The following DRC11 variants were observed in gnomAD, a reference collection of about 807,000 sequenced individuals.
DRC11 encodes the protein dynein regulatory complex subunit 11.
the DRC11 span, among the ~76,000 whole-genome samples, chr2:236,353,937 A>G: frequency 6.6e-6 from 1 of 152,218 alleles, no homozygotes; most frequent in African/African-American, 2.4e-5. The surrounding 1 kb of genome is among the most constrained non-coding windows in gnomAD (Gnocchi z 5.0). Context: ...TTTAAAAATT[A>G]CATTTTAAGT....
At chr2:236,493,389 T>C in the DRC11 span, among the ~76,000 whole-genome samples, 1 of 152,226 alleles carries the variant, frequency 6.6e-6, no homozygotes, top group Non-Finnish European at 1.5e-5. Context: ...TTTTAGAAAG[T>C]GTAGTAACTT....
chr2:236,454,230 A>G, the DRC11 span, among the ~76,000 whole-genome samples: 1 of 152,138 alleles, frequency 6.6e-6, no homozygotes, highest in Admixed American at 6.5e-5. This position sits in a 1 kb window ranked among gnomAD's most constrained non-coding sequence, Gnocchi z 5.3. Flanking sequence ...TTTCATCATG[A>G]CTTGGTGCCC....
the DRC11 span, among the ~76,000 whole-genome samples, chr2:236,365,279 G>A: frequency 6.6e-6 from 1 of 152,072 alleles, no homozygotes; most frequent in Non-Finnish European, 1.5e-5. This position sits in a 1 kb window ranked among gnomAD's most constrained non-coding sequence, Gnocchi z 7.4. Flanking sequence ...AGAAGGTCCA[G>A]GAGAGCCACA....
At chr2:236,399,397 G>C in the DRC11 span, 3 of 1,607,794 alleles carry the variant, frequency 1.9e-6, no homozygotes, top group Admixed American at 5.0e-5. This position sits in a 1 kb window ranked among gnomAD's most constrained non-coding sequence, Gnocchi z 7.0. Flanking sequence ...GACCATGCAC[G>C]TTCTCCTAAA....
chr2:236,399,585 G>T, the DRC11 span: 1 of 969,754 alleles, frequency 1.0e-6, no homozygotes, highest in Non-Finnish European at 1.6e-6. This position sits in a 1 kb window ranked among gnomAD's most constrained non-coding sequence, Gnocchi z 7.0. Context: ...ATGCCGCGCA[G>T]GCCCAGTCCT....
At chr2:236,476,693 A>T in the DRC11 span, among the ~76,000 whole-genome samples, 1 of 152,144 alleles carries the variant, frequency 6.6e-6, no homozygotes, top group Non-Finnish European at 1.5e-5. The surrounding 1 kb of genome is among the most constrained non-coding windows in gnomAD (Gnocchi z 4.7). Context: ...CCCTGGGATG[A>T]ATCCCACTAG....
the DRC11 span, among the ~76,000 whole-genome samples, chr2:236,405,906 A>G: frequency 6.6e-6 from 1 of 152,228 alleles, no homozygotes; most frequent in African/African-American, 2.4e-5. This position sits in a 1 kb window ranked among gnomAD's most constrained non-coding sequence, Gnocchi z 4.6. Flanking sequence ...AATGGTGCAC[A>G]ATTCAAAACT....
chr2:236,486,390 A>T, the DRC11 span, among the ~76,000 whole-genome samples: 4 of 152,138 alleles, frequency 2.6e-5, no homozygotes, highest in African/African-American at 4.8e-5. This position sits in a 1 kb window ranked among gnomAD's most constrained non-coding sequence, Gnocchi z 5.7. Context: ...TTAAGCTACT[A>T]AGTTTGTGGT....
chr2:236,405,288 C>T, the DRC11 span, among the ~76,000 whole-genome samples: 21 of 151,940 alleles, frequency 1.4e-4, no homozygotes, highest in Admixed American at 1.2e-3. The surrounding 1 kb of genome is among the most constrained non-coding windows in gnomAD (Gnocchi z 4.6). Flanking sequence ...AGGAGAAGTG[C>T]GTTCTCACCT....
the DRC11 span, among the ~76,000 whole-genome samples, chr2:236,489,425 C>T: frequency 1.3e-5 from 2 of 149,776 alleles, no homozygotes; most frequent in African/African-American, 5.0e-5. Flanking sequence ...CATGCTGGGG[C>T]CTGTGTGGGC....
the DRC11 span, among the ~76,000 whole-genome samples, chr2:236,365,922 G>A: frequency 2.6e-5 from 4 of 152,158 alleles, no homozygotes; most frequent in Non-Finnish European, 5.9e-5. The surrounding 1 kb of genome is among the most constrained non-coding windows in gnomAD (Gnocchi z 7.4). Context: ...TCAACTTTCC[G>A]AGAATTAAGA....
the DRC11 span, among the ~76,000 whole-genome samples, chr2:236,372,166 C>A: frequency 1.3e-5 from 2 of 152,260 alleles, no homozygotes; most frequent in African/African-American, 4.8e-5. This position sits in a 1 kb window ranked among gnomAD's most constrained non-coding sequence, Gnocchi z 4.5. Context: ...ATTATTTTTG[C>A]AGAGCTCTAG....
the DRC11 span, among the ~76,000 whole-genome samples, chr2:236,438,951 C>T: frequency 4.7e-5 from 7 of 149,284 alleles, no homozygotes; most frequent in Non-Finnish European, 1.0e-4. Context: ...AACTGAACAA[C>T]CTGCTCCTGA....
chr2:236,460,856 G>A, the DRC11 span, among the ~76,000 whole-genome samples: 2 of 152,132 alleles, frequency 1.3e-5, no homozygotes, highest in African/African-American at 2.4e-5. The surrounding 1 kb of genome is among the most constrained non-coding windows in gnomAD (Gnocchi z 4.0). Context: ...CCAGGTTCAA[G>A]CAATCCTCTC....
At chr2:236,313,544 T>C in the DRC11 span, among the ~76,000 whole-genome samples, 1 of 152,194 alleles carries the variant, frequency 6.6e-6, no homozygotes, top group Non-Finnish European at 1.5e-5. The surrounding 1 kb of genome is among the most constrained non-coding windows in gnomAD (Gnocchi z 4.5). Context: ...AACTAGCAAT[T>C]GCACTCTTGG....
chr2:236,456,395 C>T, the DRC11 span, among the ~76,000 whole-genome samples: 1 of 152,152 alleles, frequency 6.6e-6, no homozygotes, highest in African/African-American at 2.4e-5. This position sits in a 1 kb window ranked among gnomAD's most constrained non-coding sequence, Gnocchi z 5.4. Flanking sequence ...GGGCCTCTGC[C>T]CCTCTGCATG....
At chr2:236,308,261 C>T in the DRC11 span, among the ~76,000 whole-genome samples, 599 of 152,370 alleles carry the variant, frequency 3.9e-3, 5 homozygotes, top group Middle Eastern at 0.027. The surrounding 1 kb of genome is among the most constrained non-coding windows in gnomAD (Gnocchi z 6.0). Context: ...TGGGCAGTTC[C>T]TCTGATGGCA....
the DRC11 span, among the ~76,000 whole-genome samples, chr2:236,448,923 G>C: frequency 5.3e-5 from 8 of 151,300 alleles, no homozygotes; most frequent in Non-Finnish European, 1.2e-4. The surrounding 1 kb of genome is among the most constrained non-coding windows in gnomAD (Gnocchi z 5.3). Context: ...GCAGTGGTGT[G>C]ATCTCGGCTC....
At chr2:236,389,947 G>A in the DRC11 span, among the ~76,000 whole-genome samples, 2 of 152,302 alleles carry the variant, frequency 1.3e-5, no homozygotes, top group South Asian at 2.1e-4. Flanking sequence ...TACTCGAGAA[G>A]AATGTGTATT....
Sources: gnomAD v4.1 joint callset for allele counts (sites outside exome capture counted in the v4.1 genomes callset) on GRCh38, gnomAD v4.1.1 for gene constraint, Gnocchi (gnomAD v3.1) non-coding constraint, MANE v1.5 for transcripts, NCBI Gene and HGNC (gene_info 2026-07-23, HGNC 2026-07-21) for gene names.